The following BCKDHB variants were observed in gnomAD, a reference collection of about 807,000 sequenced individuals.
BCKDHB encodes branched chain keto acid dehydrogenase E1 subunit beta, also known as 2-oxoisovalerate dehydrogenase subunit beta, mitochondrial.
In BCKDHB, 41 loss-of-function variants were observed where a neutral mutation model predicts 48.5. The observed-to-expected ratio is 0.85, with a 90% confidence interval of 0.66 to 1.10. The LOEUF (loss-of-function observed/expected upper bound fraction) is 1.10. Among genes scored for constraint, BCKDHB ranks in the 50% least tolerant of loss-of-function variants. The pLI is 0.00. For synonymous variants in BCKDHB, 201 were observed against 174.8 expected (o/e 1.15, Z -1.18); for missense variants, 496 against 494.2 (o/e 1.00, Z -0.03).
chr6:80,414,622 A>G, the BCKDHB span, among the ~76,000 whole-genome samples: 1 of 152,056 alleles, frequency 6.6e-6, no homozygotes, highest in East Asian at 1.9e-4. Context: ...GGCCTACATG[A>G]CTGCTTTTAT....
At chr6:80,304,757 C>T (rs1047051170) in intron 9 of BCKDHB, among the ~76,000 whole-genome samples, 1 of 152,040 alleles carries the variant, frequency 6.6e-6, no homozygotes, top group Non-Finnish European at 1.5e-5. Flanking sequence ...GGCAGATTGA[C>T]CTAACATTAG....
the BCKDHB span, among the ~76,000 whole-genome samples, chr6:80,373,703 A>G: frequency 6.6e-6 from 1 of 152,136 alleles, no homozygotes; most frequent in South Asian, 2.1e-4. Context: ...GGGTGCATAT[A>G]TATTTGGGAT....
chr6:80,188,020 A>G (rs2127800856), intron 6 of BCKDHB, among the ~76,000 whole-genome samples: 1 of 152,328 alleles, frequency 6.6e-6, no homozygotes, highest in Middle Eastern at 3.4e-3. Flanking sequence ...ATAAAGACAC[A>G]TGCACGTTTA....
chr6:80,257,438 A>G (rs1305302860), intron 8 of BCKDHB, among the ~76,000 whole-genome samples: 1 of 54,204 alleles, frequency 1.8e-5, no homozygotes, highest in Non-Finnish European at 4.7e-5. Context: ...AGATACATAT[A>G]TATATATATA....
At position 80,216,821 on chromosome 6, in the gene BCKDHB, GTTAAGAATTTC is replaced by G. The variant is rs554775935; in HGVS notation, c.951+13613_951+13623del. On this transcript the variant is annotated intron_variant, in intron 8 of 9. Coordinates refer to ENST00000320393, the MANE Select transcript of BCKDHB (RefSeq NM_183050.4). ...ACGAAATTGTATTTATTCTGTAATC[GTTAAGAATTTC>G]TTATCTTTTCTATTATAACACCCTG... Among the ~76,000 whole-genome samples the G allele has an allele frequency of 1.6e-3, 238 of 152,184 alleles. 2 individuals are homozygous for G. The highest frequency in any genetic ancestry group is 4.6e-3 in the African/African-American group (190 of 41,518).
At chr6:80,463,271 A>G in the BCKDHB span, 2 of 152,206 alleles carry the variant, frequency 1.3e-5, no homozygotes, top group Admixed American at 6.5e-5. Flanking sequence ...TTGAATTTTG[A>G]AGGGGTACTA....
At chr6:80,412,145 CAT>C in the BCKDHB span, among the ~76,000 whole-genome samples, 4 of 92,810 alleles carry the variant, frequency 4.3e-5, no homozygotes, top group Admixed American at 1.8e-4. Flanking sequence ...TCACAGTTTA[CAT>C]TTTTTTTTTT....
chr6:80,424,529 T>G, the BCKDHB span, among the ~76,000 whole-genome samples: 1 of 152,216 alleles, frequency 6.6e-6, no homozygotes, highest in Non-Finnish European at 1.5e-5. Flanking sequence ...GCATCCAATT[T>G]TATAAATATT....
intron 3 of BCKDHB, among the ~76,000 whole-genome samples, chr6:80,153,453 G>A (rs1771889910): frequency 6.6e-6 from 1 of 152,082 alleles, no homozygotes; most frequent in South Asian, 2.1e-4. Context: ...AGTGGATAGA[G>A]TTTGAGGATG....
chr6:80,249,494 T>C (rs1212124717), intron 8 of BCKDHB, among the ~76,000 whole-genome samples: 1 of 152,190 alleles, frequency 6.6e-6, no homozygotes, highest in Non-Finnish European at 1.5e-5. Flanking sequence ...TGTTTTACTT[T>C]ATATGTGTAT....
chr6:80,267,533 A>G (rs186364461), intron 8 of BCKDHB, among the ~76,000 whole-genome samples: 34 of 152,184 alleles, frequency 2.2e-4, no homozygotes, highest in African/African-American at 6.5e-4. Flanking sequence ...TGGGGAAGGA[A>G]GTCTGAGGTG....
intron 3 of BCKDHB, among the ~76,000 whole-genome samples, chr6:80,150,021 T>A (rs1397339228): frequency 2.0e-5 from 3 of 152,004 alleles, no homozygotes; most frequent in African/African-American, 7.2e-5. Flanking sequence ...CATAGCTTAG[T>A]ATAAGACTTT....
chr6:80,325,564 G>T (rs928178564), intron 9 of BCKDHB, among the ~76,000 whole-genome samples: 4 of 152,120 alleles, frequency 2.6e-5, no homozygotes, highest in Non-Finnish European at 4.4e-5. Flanking sequence ...TTAATTTTAG[G>T]ACTGTTTTGT....
intron 9 of BCKDHB, among the ~76,000 whole-genome samples, chr6:80,277,729 G>T (rs1029658438): frequency 2.0e-5 from 3 of 150,786 alleles, no homozygotes; most frequent in Non-Finnish European, 4.4e-5. Context: ...GGAGAGGATG[G>T]TAAGTTTCCA....
intron 9 of BCKDHB, among the ~76,000 whole-genome samples, chr6:80,286,816 G>A (rs1766646578): frequency 6.6e-6 from 1 of 151,980 alleles, no homozygotes; most frequent in Non-Finnish European, 1.5e-5. Flanking sequence ...TTATTTTTTT[G>A]TGTCACAGAA....
chr6:80,399,411 A>G, the BCKDHB span, among the ~76,000 whole-genome samples: 1 of 152,186 alleles, frequency 6.6e-6, no homozygotes, highest in Non-Finnish European at 1.5e-5. Flanking sequence ...TTCAGGATAC[A>G]AAAGCAATGT....
intron 9 of BCKDHB, among the ~76,000 whole-genome samples, chr6:80,319,258 CT>C (rs1158844459): frequency 6.6e-6 from 1 of 152,166 alleles, no homozygotes; most frequent in Non-Finnish European, 1.5e-5. Context: ...AGAATACTGG[CT>C]GACTCTTTAG....
At chr6:80,464,959 A>T in the BCKDHB span, among the ~76,000 whole-genome samples, 1 of 152,248 alleles carries the variant, frequency 6.6e-6, no homozygotes, top group Non-Finnish European at 1.5e-5. Context: ...ACACTCAGTC[A>T]TACAGGACTT....
At chr6:80,181,019 A>G (rs953859460) in intron 6 of BCKDHB, among the ~76,000 whole-genome samples, 5 of 152,276 alleles carry the variant, frequency 3.3e-5, no homozygotes, top group Admixed American at 3.3e-4. Flanking sequence ...CCCTTCACCA[A>G]ATCCAAGCAT....
Sources: allele counts gnomAD v4.1 joint callset (sites outside exome capture counted in the v4.1 genomes callset), GRCh38; gene constraint gnomAD v4.1.1; transcripts MANE v1.5; gene names NCBI Gene and HGNC (gene_info 2026-07-23, HGNC 2026-07-21).